LRRTM4: variants seen among roughly 807,000 people sequenced by gnomAD.
LRRTM4 encodes leucine rich repeat transmembrane neuronal 4.
In LRRTM4, 25 loss-of-function variants were observed where a neutral mutation model predicts 47.6. That is an observed-to-expected ratio of 0.53 (90% CI 0.38 to 0.73). The LOEUF (loss-of-function observed/expected upper bound fraction) is 0.73. Among genes scored for constraint, LRRTM4 ranks in the 30% least tolerant of loss-of-function variants. The pLI, the probability that LRRTM4 is intolerant of heterozygous loss-of-function variation, is 0.00. For missense variants in LRRTM4, 638 were observed against 713.4 expected (o/e 0.89, Z 1.20); for synonymous variants, 311 against 269.5 (o/e 1.15, Z -1.51).
intron 3 of LRRTM4, among the ~76,000 whole-genome samples, chr2:76,929,308 C>T (rs1038851622): frequency 3.3e-5 from 5 of 152,240 alleles, no homozygotes; most frequent in Admixed American, 6.5e-5. Context: ...TGAACCACAT[C>T]GAGCCTACAG....
intron 3 of LRRTM4, among the ~76,000 whole-genome samples, chr2:76,857,539 C>A (rs1339158472): frequency 6.6e-6 from 1 of 151,762 alleles, no homozygotes; most frequent in Non-Finnish European, 1.5e-5. Flanking sequence ...AACACTAACC[C>A]CCTCATTGTT....
At chr2:77,086,829 G>T (rs188969638) in intron 3 of LRRTM4, among the ~76,000 whole-genome samples, 42 of 152,090 alleles carry the variant, frequency 2.8e-4, no homozygotes, top group Non-Finnish European at 3.2e-4. Context: ...CTTGGTAAAA[G>T]CCTGTTAACC....
chr2:77,308,799 T>A (rs1412575886), intron 3 of LRRTM4, among the ~76,000 whole-genome samples: 2 of 152,028 alleles, frequency 1.3e-5, no homozygotes, highest in African/African-American at 4.8e-5. Context: ...TTTGTTTTTG[T>A]TTTTGCTTTT....
chr2:77,062,988 T>C (rs1365824423), intron 3 of LRRTM4, among the ~76,000 whole-genome samples: 1 of 148,992 alleles, frequency 6.7e-6, no homozygotes, highest in Non-Finnish European at 1.5e-5. Flanking sequence ...AGAGTCTTGC[T>C]CTGTCGCCCA....
chr2:77,152,308 T>C (rs1672450731), intron 3 of LRRTM4, among the ~76,000 whole-genome samples: 1 of 152,070 alleles, frequency 6.6e-6, no homozygotes, highest in Non-Finnish European at 1.5e-5. Context: ...GATGTGGGAG[T>C]TTGAACACAT....
chr2:77,456,153 A>G (rs760884433), intron 3 of LRRTM4, among the ~76,000 whole-genome samples: 2 of 152,156 alleles, frequency 1.3e-5, no homozygotes, highest in Non-Finnish European at 2.9e-5. Context: ...ACTAAATTCA[A>G]TTTATGCTTG....
At chr2:76,765,463 G>T (rs1056404294) in intron 3 of LRRTM4, among the ~76,000 whole-genome samples, 1 of 152,150 alleles carries the variant, frequency 6.6e-6, no homozygotes, top group Non-Finnish European at 1.5e-5. Flanking sequence ...CCTCAGTATG[G>T]CTACATTTGG....
intron 3 of LRRTM4, among the ~76,000 whole-genome samples, chr2:77,157,617 G>A (rs1014031204): frequency 2.6e-5 from 4 of 152,014 alleles, no homozygotes; most frequent in African/African-American, 7.2e-5. Flanking sequence ...TCAGAGAAAG[G>A]AGTAACATTC....
intron 3 of LRRTM4, among the ~76,000 whole-genome samples, chr2:77,321,905 CT>C (rs1326611639): frequency 1.3e-5 from 2 of 152,058 alleles, no homozygotes; most frequent in African/African-American, 4.8e-5. Flanking sequence ...TGCTACATAG[CT>C]TTGTTGTGAA....
intron 3 of LRRTM4, among the ~76,000 whole-genome samples, chr2:76,867,480 AT>A (rs919899961): frequency 6.6e-6 from 1 of 152,190 alleles, no homozygotes; most frequent in African/African-American, 2.4e-5. Context: ...CTCTGGACAT[AT>A]TTAGTGTGGA....
intron 3 of LRRTM4, among the ~76,000 whole-genome samples, chr2:76,900,015 G>A (rs1673568910): frequency 6.6e-6 from 1 of 152,230 alleles, no homozygotes; most frequent in South Asian, 2.1e-4. Flanking sequence ...GATCACTTGA[G>A]GATAGGAGTT....
chr2:76,804,583 C>A (rs1031206342), intron 3 of LRRTM4, among the ~76,000 whole-genome samples: 17 of 149,802 alleles, frequency 1.1e-4, no homozygotes, highest in African/African-American at 3.7e-4. Context: ...CCACTGGGTA[C>A]ATCTGTACAA....
chr2:76,797,289 G>C (rs112814823), intron 3 of LRRTM4, among the ~76,000 whole-genome samples: 2 of 152,190 alleles, frequency 1.3e-5, no homozygotes, highest in East Asian at 3.9e-4. Context: ...CTACAAGCCA[G>C]AAGAGAGTGG....
intron 3 of LRRTM4, among the ~76,000 whole-genome samples, chr2:77,057,211 A>G (rs1449098263): frequency 6.6e-6 from 1 of 152,206 alleles, no homozygotes; most frequent in Non-Finnish European, 1.5e-5. Flanking sequence ...GCTTTCAATA[A>G]AGATATAATG....
intron 3 of LRRTM4, among the ~76,000 whole-genome samples, chr2:76,772,055 A>C (rs1288963857): frequency 1.3e-5 from 2 of 152,190 alleles, no homozygotes; most frequent in African/African-American, 2.4e-5. Flanking sequence ...TATCTCCCTA[A>C]ATTTCTATGT....
chr2:77,276,905 G>A (rs988411841), intron 3 of LRRTM4, among the ~76,000 whole-genome samples: 1 of 151,230 alleles, frequency 6.6e-6, no homozygotes, highest in Admixed American at 6.6e-5. Context: ...CAGGAAAAGA[G>A]GGCAAATTTC....
At chr2:76,984,872 T>A (rs1676739021) in intron 3 of LRRTM4, among the ~76,000 whole-genome samples, 1 of 151,942 alleles carries the variant, frequency 6.6e-6, no homozygotes, top group Non-Finnish European at 1.5e-5. Flanking sequence ...GATGTAGACA[T>A]AACATACATT....
intron 3 of LRRTM4, among the ~76,000 whole-genome samples, chr2:76,904,945 G>A (rs55666876): frequency 0.14 from 21,952 of 152,152 alleles, 2,009 homozygotes; most frequent in Admixed American, 0.22. Flanking sequence ...TGTGAGCGAC[G>A]CAGAAGATGG....
intron 3 of LRRTM4, among the ~76,000 whole-genome samples, chr2:76,953,168 TA>T (rs35050409): frequency 0.57 from 84,918 of 148,038 alleles, 25,483 homozygotes; most frequent in African/African-American, 0.76. Flanking sequence ...AAAAATAAAG[TA>T]AAAAAAAAAA....
Sources: gnomAD v4.1 joint callset for allele counts (sites outside exome capture counted in the v4.1 genomes callset) on GRCh38, gnomAD v4.1.1 for gene constraint, MANE v1.5 for transcripts, NCBI Gene and HGNC (gene_info 2026-07-23, HGNC 2026-07-21) for gene names.